The following IGF2R variants were observed in gnomAD, a reference collection of about 807,000 sequenced individuals.
IGF2R encodes cation-independent mannose-6-phosphate receptor.
A neutral mutation model predicts 270.6 loss-of-function variants in IGF2R; 91 were observed. The ratio of observed to expected loss-of-function variants is 0.34; its 90% CI spans 0.28 to 0.40. The LOEUF (loss-of-function observed/expected upper bound fraction) is 0.40. Among genes scored for constraint, IGF2R ranks in the 10% least tolerant of loss-of-function variants. The pLI, the probability that IGF2R is intolerant of heterozygous loss-of-function variation, is 1.00. For synonymous variants in IGF2R, 1,316 were observed against 1,258.9 expected (o/e 1.05, Z -0.96); for missense variants, 2,805 against 3,188.3 (o/e 0.88, Z 2.90).
rs1477757294 is a variant in IGF2R, at chr6:160,085,119, C to T, written c.6193C>T (p.Leu2065=). The part of the protein sequence containing the change: ...QVLGLVHTQK[L]GVIGDKVVVT... ...CCTGGGACTCGTTCACACGCAGAAG[C>T]TGGGTGTCATAGGTAAGGCCTGTGG... The change falls in exon 41 of 48, where the codon CTG becomes TTG. Residue 2065 remains leucine, a synonymous_variant. Coordinates refer to ENST00000356956, the MANE Select transcript of IGF2R (RefSeq NM_000876.4). 7 of 1,613,378 alleles carry T rather than the reference C, an allele frequency of 4.3e-6. No individual in the cohort carries two copies. In the African/African-American group the frequency reaches 5.3e-5, roughly 12 times the overall value.
At chr6:159,994,010 T>C (rs1021777691) in intron 2 of IGF2R, among the ~76,000 whole-genome samples, 5 of 147,434 alleles carry the variant, frequency 3.4e-5, no homozygotes, top group South Asian at 4.3e-4. Flanking sequence ...TTTTTTTTTT[T>C]CAGGGAGTAG....
intron 18 of IGF2R, among the ~76,000 whole-genome samples, chr6:160,048,956 A>G (rs1778131383): frequency 6.6e-6 from 1 of 152,182 alleles, no homozygotes; most frequent in African/African-American, 2.4e-5. Context: ...ATTCAAGCAC[A>G]CGCTCTCATT....
intron 10 of IGF2R, among the ~76,000 whole-genome samples, chr6:160,039,006 G>A (rs1218877039): frequency 6.6e-6 from 1 of 152,146 alleles, no homozygotes; most frequent in Non-Finnish European, 1.5e-5. Context: ...CTGCAAAATG[G>A]TGCTAAAATT....
Position 160,100,855 on chromosome 6 carries a change from A to ATCT in IGF2R, c.6843-1662_6843-1660dup, listed in dbSNP as rs542648521. Among the ~76,000 whole-genome samples the ATCT allele has an allele frequency of 1.1e-4, 13 of 120,786 alleles. 1 individual carries two copies. The highest frequency in any genetic ancestry group is 9.1e-4 in the South Asian group (3 of 3,310). 79.2% of individuals were successfully genotyped at this position (120,786 alleles called of 152,430 possible). The stretch of plus-strand genomic sequence containing the variant: ...GCCCAGGCTGGAGTGCAGTGGTGCG[A>ATCT]TCTTGGCTCACTGCAACCTCTGCTT... On this transcript the variant is annotated intron_variant, in intron 45 of 47. Coordinates refer to ENST00000356956, the MANE Select transcript of IGF2R (RefSeq NM_000876.4).
rs374422705 is a variant in IGF2R, at chr6:160,060,726, G to A, written c.3262+9G>A. On this transcript the variant is annotated intron_variant, in intron 23 of 47. Coordinates refer to ENST00000356956, the MANE Select transcript of IGF2R (RefSeq NM_000876.4). ...GGACTGCCAAGTCACCGGTAAGGCC[G>A]TGCGGCCTAAGAACTGAGAGGCCGG... is the stretch of plus-strand genomic sequence containing the variant. 29 of 1,613,990 alleles carry A rather than the reference G, an allele frequency of 1.8e-5. No homozygotes were observed. Among genetic ancestry groups the A allele is most frequent in the Middle Eastern group, 1.7e-4 (1 of 6,050 alleles).
At chr6:160,010,910 G>T (rs1003866342) in intron 4 of IGF2R, 125 bp downstream of exon 4, 4 of 588,920 alleles carry the variant, frequency 6.8e-6, no homozygotes, top group Admixed American at 3.0e-5. Context: ...TTTGAGCAGA[G>T]ATACCATGTG....
intron 1 of IGF2R, among the ~76,000 whole-genome samples, chr6:159,980,026 AAAATCTTAG>A (rs1783755366): frequency 6.6e-6 from 1 of 151,948 alleles, no homozygotes; most frequent in Non-Finnish European, 1.5e-5. Flanking sequence ...AAAAATACAA[AAAATCTTAG>A]ATGGGCGCGG....
intron 5 of IGF2R, 126 bp downstream of exon 5, chr6:160,024,830 C>A: frequency 1.9e-6 from 2 of 1,065,604 alleles, no homozygotes; most frequent in Non-Finnish European, 2.7e-6. Context: ...TCTAATAAAG[C>A]TTTTGTCCCC....
At chr6:160,072,972 A>T in intron 33 of IGF2R, 88 bp downstream of exon 33, 2 of 1,512,970 alleles carry the variant, frequency 1.3e-6, no homozygotes, top group Non-Finnish European at 1.8e-6. Context: ...GGCAAAAAGG[A>T]TGAGCAGAGC....
rs1779400818 is a variant in IGF2R at position 160,097,851 on chromosome 6, C to CA, written c.6842+1231dup. Among the ~76,000 whole-genome samples, 3 of 152,272 alleles carry CA rather than the reference C, an allele frequency of 2.0e-5. No individual in the cohort carries two copies. In the South Asian group the frequency reaches 6.2e-4, roughly 32 times the overall value. Reference sequence around the variant, plus strand: ...CCCTTAACAGTGGACATGAGCTCAGCAAAAACCAGCTTTGTCCTGTGCTGT... The same window carrying CA: ...CCCTTAACAGTGGACATGAGCTCAGCAAAAAACCAGCTTTGTCCTGTGCTGT... On this transcript the variant is annotated intron_variant, in intron 45 of 47. Transcript: ENST00000356956.
In IGF2R at chr6:160,045,874, C is replaced by G. The variant is rs139477448; in HGVS notation, c.1895C>G (p.Ser632Cys). ...GGGGAGAACTGCACGGTCTTTGACTCCCAGGCAGGTCTGTGTCCAAGCAGG... is the reference window on the plus strand; with the variant it reads ...GGGGAGAACTGCACGGTCTTTGACTGCCAGGCAGGTCTGTGTCCAAGCAGG... ...TEGENCTVFD[S>C]QAGFSFDLSP... is the part of the protein sequence containing the mutation. The change falls in exon 14 of 48, where the codon TCC becomes TGC. Residue 632 changes from serine to cysteine, a missense_variant. Coordinates refer to ENST00000356956, the MANE Select transcript of IGF2R (RefSeq NM_000876.4). The G allele has an allele frequency of 6.4e-7, 1 of 1,563,510 alleles. No homozygotes were observed. Among genetic ancestry groups the G allele is most frequent in the Non-Finnish European group, 8.6e-7 (1 of 1,156,812 alleles).
chr6:160,000,845 C>T (rs995392506), intron 2 of IGF2R, among the ~76,000 whole-genome samples: 1 of 147,862 alleles, frequency 6.8e-6, no homozygotes, highest in African/African-American at 2.5e-5. Flanking sequence ...AAGCGATTCT[C>T]CTGCTTCAGC....
At chr6:160,025,300 C>T (rs1777535736) in intron 5 of IGF2R, among the ~76,000 whole-genome samples, 1 of 152,172 alleles carries the variant, frequency 6.6e-6, no homozygotes, top group East Asian at 1.9e-4. Flanking sequence ...TTTCTAAAAC[C>T]CAGCTTGATG....
At chr6:160,087,323 G>T in intron 41 of IGF2R, among the ~76,000 whole-genome samples, 1 of 152,200 alleles carries the variant, frequency 6.6e-6, no homozygotes, top group Non-Finnish European at 1.5e-5. Context: ...CACAATTGGA[G>T]CGATAATGAA....
At chr6:159,994,666 T>G (rs568000770) in intron 2 of IGF2R, among the ~76,000 whole-genome samples, 1 of 152,276 alleles carries the variant, frequency 6.6e-6, no homozygotes, top group East Asian at 1.9e-4. Context: ...TTTCAAAAAA[T>G]TTTTACATTT....
Position 159,969,290 on chromosome 6 carries a change from C to A in IGF2R, c.44C>A (p.Pro15His). 1 of 1,206,700 alleles carries A rather than the reference C, an allele frequency of 8.3e-7. No homozygotes were observed. Among genetic ancestry groups the A allele is most frequent in the Non-Finnish European group, 1.0e-6 (1 of 971,610 alleles). 74.7% of individuals were successfully genotyped at this position (1,206,700 alleles called of 1,614,324 possible). A position where few individuals can be genotyped will look rare whatever the true frequency, so the allele number is the denominator to read the frequency against. Residue 15 changes from proline to histidine, a missense_variant, in exon 1 of 48, where the codon CCC becomes CAC. Coordinates refer to ENST00000356956, the MANE Select transcript of IGF2R (RefSeq NM_000876.4). ...CGGAGCCCCCACCTGGGGCCCGCGCCCGCCCGCCGCCCGCAGCGCTCTCTG... is the reference window on the plus strand; with the variant it reads ...CGGAGCCCCCACCTGGGGCCCGCGCACGCCCGCCGCCCGCAGCGCTCTCTG... ...AGRSPHLGPA[P>H]ARRPQRSLLL... is the part of the protein sequence containing the mutation.
In IGF2R at chr6:160,058,143, A is replaced by T. The variant is rs1291883277; in HGVS notation, c.2898+19A>T. The stretch of plus-strand genomic sequence containing the variant: ...TTTTATGGTAAGAGCGATATGATGC[A>T]TTTCCAGTTTGCTTTGAAACAGGGG... On this transcript the variant is annotated intron_variant, in intron 21 of 47. Coordinates refer to ENST00000356956, the MANE Select transcript of IGF2R (RefSeq NM_000876.4). 1.3e-6 allele frequency: 2 copies of T among 1,526,134 alleles called. No homozygotes were observed. The highest frequency in any genetic ancestry group is 2.7e-5 in the African/African-American group (2 of 73,112). The allele number at this position is 1,526,134 out of a possible 1,614,324, so 94.5% of individuals were successfully genotyped here.
At chr6:160,062,148 C>G (rs1778453662) in intron 25 of IGF2R, among the ~76,000 whole-genome samples, 1 of 150,490 alleles carries the variant, frequency 6.6e-6, no homozygotes, top group Non-Finnish European at 1.5e-5. Context: ...TGGGTACTAA[C>G]TGTGGCTATC....
At chr6:160,072,060 A>G (rs1428195055) in intron 32 of IGF2R, 24 bp downstream of exon 32, 1 of 1,613,468 alleles carries the variant, frequency 6.2e-7, no homozygotes, top group Admixed American at 1.7e-5. Flanking sequence ...CCAGTCGTTA[A>G]CCCCAGCGCA....
Sources: allele counts gnomAD v4.1 joint callset (sites outside exome capture counted in the v4.1 genomes callset), GRCh38; gene constraint gnomAD v4.1.1; transcripts MANE v1.5; gene names NCBI Gene and HGNC (gene_info 2026-07-23, HGNC 2026-07-21).